The following MR1 variants were observed in gnomAD, a reference collection of about 807,000 sequenced individuals.
MR1 encodes major histocompatibility complex class I-related protein 1.
In MR1, 44 loss-of-function variants were observed where a neutral mutation model predicts 37.8. The ratio of observed to expected loss-of-function variants is 1.16; its 90% CI spans 0.91 to 1.50. MR1 has a LOEUF of 1.50. Among genes scored for constraint, MR1 ranks in the 40% most tolerant of loss-of-function variants. The probability of loss-of-function intolerance (pLI) is 0.00; values close to 1 mark genes in which losing one functional copy is unlikely to be tolerated. For synonymous variants in MR1, 153 were observed against 155.8 expected, an observed-to-expected ratio of 0.98 and a Z score of 0.13; for missense variants, 386 against 419.1, an observed-to-expected ratio of 0.92 and a Z score of 0.69.
chr1:181,033,648 A>G (rs184889627), upstream of MR1, among the ~76,000 whole-genome samples: 1 of 152,298 alleles, frequency 6.6e-6, no homozygotes, highest in Non-Finnish European at 1.5e-5. Context: ...ACCCTTAAGC[A>G]AAATTCTAAG....
At chr1:181,040,824 C>T (rs1201628748) in intron 1 of MR1, among the ~76,000 whole-genome samples, 1 of 151,774 alleles carries the variant, frequency 6.6e-6, no homozygotes, top group East Asian at 1.9e-4. Context: ...TGGCTCATGT[C>T]TGTAATCCCA....
chr1:181,050,422 A>G, intron 3 of MR1, 136 bp downstream of exon 3: 1 of 1,138,434 alleles, frequency 8.8e-7, no homozygotes, highest in Non-Finnish European at 1.2e-6. Flanking sequence ...TCATGGCTAG[A>G]GCCCCCACGA....
At chr1:181,047,900 T>A (rs181439869) in intron 1 of MR1, among the ~76,000 whole-genome samples, 1,332 of 132,544 alleles carry the variant, frequency 0.01, 10 homozygotes, top group Non-Finnish European at 0.015. Flanking sequence ...ACTCTGTCTC[T>A]AAAAAATAAA....
chr1:181,045,805 G>A (rs932190796), intron 1 of MR1, among the ~76,000 whole-genome samples: 1 of 152,244 alleles, frequency 6.6e-6, no homozygotes, highest in East Asian at 1.9e-4. Flanking sequence ...GCCGGAGCCC[G>A]CTCCCGCAGC....
At chr1:181,043,740 A>G (rs891406341) in intron 1 of MR1, among the ~76,000 whole-genome samples, 3 of 152,108 alleles carry the variant, frequency 2.0e-5, no homozygotes, top group African/African-American at 7.2e-5. Context: ...TACACTAACT[A>G]GTACAATCAG....
intron 1 of MR1, among the ~76,000 whole-genome samples, chr1:181,045,439 G>A (rs1657798533): frequency 6.6e-6 from 1 of 152,106 alleles, no homozygotes; most frequent in African/African-American, 2.4e-5. Context: ...TGCTCCAGAC[G>A]TCCCAGGCCA....
chr1:181,041,286 T>C (rs1438296375), intron 1 of MR1, among the ~76,000 whole-genome samples: 1 of 152,202 alleles, frequency 6.6e-6, no homozygotes, highest in African/African-American at 2.4e-5. Context: ...TGGTGATACT[T>C]AACTGGAATA....
Position 181,061,872 on chromosome 1 carries a change from C to G in MR1, c.*6607C>G, listed in dbSNP as rs759553519. ...CAGGATGAATGGTTTGAGGACTGGT[C>G]TGAATTCTTCAAAGGTTTCAGCTGT... On this transcript the variant is annotated 3_prime_UTR_variant, in exon 6 of 6. Transcript: ENST00000367580. The G allele has an allele frequency of 6.6e-6, 1 of 152,184 alleles. No individual in the cohort carries two copies. The highest frequency in any genetic ancestry group is 1.9e-4 in the East Asian group (1 of 5,200). 9.4% of individuals were successfully genotyped at this position (152,184 alleles called of 1,614,324 possible).
At position 181,059,188 on chromosome 1, in the gene MR1, T is replaced by A. The variant is rs573817381; in HGVS notation, c.*3923T>A. The A allele has an allele frequency of 7.9e-5, 12 of 152,226 alleles. No homozygotes were observed. The highest frequency in any genetic ancestry group is 7.8e-4 in the Admixed American group (12 of 15,292). The allele number at this position is 152,226 out of a possible 1,614,324, so 9.4% of individuals were successfully genotyped here. A position where few individuals can be genotyped will look rare whatever the true frequency, so the allele number is the denominator to read the frequency against. ...CATCTTTTTTTTTTCCCCAATAGCT[T>A]CAGGACATTCAGTACATTGTGCTTT... On this transcript the variant is annotated 3_prime_UTR_variant, in exon 6 of 6. Coordinates refer to ENST00000367580, the MANE Select transcript of MR1 (RefSeq NM_001385161.1).
chr1:181,039,146 C>A (rs1049555412), intron 1 of MR1, among the ~76,000 whole-genome samples: 1 of 152,206 alleles, frequency 6.6e-6, no homozygotes, highest in Admixed American at 6.5e-5. Flanking sequence ...AATTATAAGA[C>A]CTACCTCAAA....
chr1:181,050,418 C>T (rs764547666), intron 3 of MR1, 132 bp downstream of exon 3: 13 of 1,167,760 alleles, frequency 1.1e-5, no homozygotes, highest in Non-Finnish European at 1.6e-5. Flanking sequence ...GATCTCATGG[C>T]TAGAGCCCCC....
chr1:181,055,021 AT>A (rs1180194440), intron 5 of MR1, among the ~76,000 whole-genome samples: 118 of 152,336 alleles, frequency 7.7e-4, no homozygotes, highest in African/African-American at 2.8e-3. Flanking sequence ...TCTCTCAATA[AT>A]TATACAGACT....
intron 1 of MR1, among the ~76,000 whole-genome samples, chr1:181,047,629 G>T (rs1657974327): frequency 6.7e-6 from 1 of 150,276 alleles, no homozygotes; most frequent in Non-Finnish European, 1.5e-5. Flanking sequence ...TGGGCACGGT[G>T]GTTCACGCCC....
chr1:181,060,518 T>C lies in MR1; in HGVS notation c.*5253T>C, dbSNP rs1466552884. On this transcript the variant is annotated 3_prime_UTR_variant, in exon 6 of 6. Transcript: ENST00000367580. ...TTAAATGAATTCACCGCAACTACAG[T>C]GAGACTGACTACCTTAGCTTACCTC... is the stretch of plus-strand genomic sequence containing the variant. The C allele has an allele frequency of 1.3e-5, 2 of 152,164 alleles. No individual in the cohort carries two copies. Among genetic ancestry groups the C allele is most frequent in the African/African-American group, 2.4e-5 (1 of 41,416 alleles). The allele number at this position is 152,164 out of a possible 1,614,324, so 9.4% of individuals were successfully genotyped here.
intron 1 of MR1, among the ~76,000 whole-genome samples, chr1:181,036,044 A>T (rs1204040927): frequency 2.0e-5 from 3 of 151,906 alleles, no homozygotes; most frequent in African/African-American, 7.3e-5. Context: ...ACAATGGGAG[A>T]CACTGAAAGG....
At chr1:181,038,198 G>T (rs1657370987) in intron 1 of MR1, among the ~76,000 whole-genome samples, 1 of 152,172 alleles carries the variant, frequency 6.6e-6, no homozygotes, top group African/African-American at 2.4e-5. Context: ...CTTCAAAAGG[G>T]TAGCCTCAGA....
intron 1 of MR1, among the ~76,000 whole-genome samples, chr1:181,045,288 G>A (rs931836777): frequency 2.0e-5 from 3 of 152,096 alleles, no homozygotes; most frequent in East Asian, 1.9e-4. Flanking sequence ...TGCAGACACC[G>A]GCAGGCAGAG....
At chr1:181,049,525 AC>A in intron 2 of MR1, 1 of 606,970 alleles carries the variant, frequency 1.6e-6, no homozygotes, top group Non-Finnish European at 2.9e-6. Flanking sequence ...CATTTGCCCC[AC>A]CCACTCTTCC....
At position 181,050,117 on chromosome 1, in the gene MR1, T is replaced by C. The variant is rs61731103; in HGVS notation, c.435T>C (p.Asn145=). ...ACGGGCAGGATTTCCTGATCTTCAA[T>C]AAAGACACCCTCTCCTGGCTGGCTG... The part of the protein sequence containing the change: ...AYDGQDFLIF[N]KDTLSWLAVD... Residue 145 remains asparagine, a synonymous_variant, in exon 3 of 6, where the codon AAT becomes AAC. Transcript: ENST00000367580. The C allele has an allele frequency of 6.6e-3, 10,626 of 1,614,182 alleles. 453 individuals are homozygous for C. The African/African-American group carries it at 0.1, about 16-fold the overall frequency.
Sources: allele counts gnomAD v4.1 joint callset (sites outside exome capture counted in the v4.1 genomes callset), GRCh38; gene constraint gnomAD v4.1.1; transcripts MANE v1.5; gene names NCBI Gene and HGNC (gene_info 2026-07-23, HGNC 2026-07-21).